Variants in ZFPM2 observed in about 807,000 individuals in gnomAD.
The protein encoded by ZFPM2 is zinc finger protein ZFPM2.
Under a neutral mutation model 98.6 loss-of-function variants are expected in ZFPM2, and 20 were observed. The observed-to-expected ratio is 0.20, with a 90% CI of 0.14 to 0.29. The LOEUF is 0.29. ZFPM2 is among the 10% of genes least tolerant of loss of function. The pLI is 1.00. For missense variants in ZFPM2, 1,310 were observed against 1,388.6 expected (o/e 0.94, Z 0.90); for synonymous variants, 518 against 502.7 (o/e 1.03, Z -0.41).
chr8:105,371,001 G>A (rs868276927), intron 1 of ZFPM2, among the ~76,000 whole-genome samples: 4 of 152,100 alleles, frequency 2.6e-5, no homozygotes, highest in Non-Finnish European at 4.4e-5. Flanking sequence ...TAAAATATTG[G>A]GTGCTACTGA....
intron 4 of ZFPM2, among the ~76,000 whole-genome samples, chr8:105,633,300 G>A (rs984304480): frequency 6.6e-6 from 1 of 152,136 alleles, no homozygotes; most frequent in Non-Finnish European, 1.5e-5. Flanking sequence ...TGAGACCCTT[G>A]TATTGTGCTC....
At chr8:105,362,438 C>T (rs1321013782) in intron 1 of ZFPM2, among the ~76,000 whole-genome samples, 3 of 151,390 alleles carry the variant, frequency 2.0e-5, no homozygotes, top group African/African-American at 7.4e-5. Flanking sequence ...TTATAATGCC[C>T]TAGAGGGTTA....
chr8:105,597,234 G>A (rs1815991555), intron 4 of ZFPM2, among the ~76,000 whole-genome samples: 1 of 152,016 alleles, frequency 6.6e-6, no homozygotes, highest in Non-Finnish European at 1.5e-5. Context: ...ATTGGCAGGA[G>A]TCGACATGGT....
intron 3 of ZFPM2, among the ~76,000 whole-genome samples, chr8:105,541,329 A>G (rs1276482615): frequency 1.3e-5 from 2 of 152,134 alleles, no homozygotes; most frequent in African/African-American, 4.8e-5. Flanking sequence ...TAACTATCCT[A>G]CTATCACACA....
chr8:105,741,966 A>T (rs979250350), intron 5 of ZFPM2, among the ~76,000 whole-genome samples: 7 of 152,024 alleles, frequency 4.6e-5, no homozygotes, highest in African/African-American at 1.4e-4. Context: ...ATAAACAGGG[A>T]AGTAGGGATA....
At chr8:105,625,860 C>T (rs749581090) in intron 4 of ZFPM2, among the ~76,000 whole-genome samples, 4 of 151,680 alleles carry the variant, frequency 2.6e-5, no homozygotes, top group Non-Finnish European at 5.9e-5. Context: ...TGGGATTACA[C>T]GCCCAGCCTG....
intron 1 of ZFPM2, among the ~76,000 whole-genome samples, chr8:105,358,877 C>T (rs534379919): frequency 1.3e-5 from 2 of 152,126 alleles, no homozygotes; most frequent in Non-Finnish European, 2.9e-5. Context: ...ATCACTTGAA[C>T]CCGGGAGGCA....
At chr8:105,410,161 A>G (rs1341219484) in intron 1 of ZFPM2, among the ~76,000 whole-genome samples, 1 of 151,904 alleles carries the variant, frequency 6.6e-6, no homozygotes, top group Non-Finnish European at 1.5e-5. Flanking sequence ...AAAAGTTTAC[A>G]TATGCAATGA....
intron 5 of ZFPM2, among the ~76,000 whole-genome samples, chr8:105,724,460 A>G (rs115879911): frequency 2.2e-4 from 33 of 151,934 alleles, no homozygotes; most frequent in African/African-American, 8.0e-4. Context: ...GGTTTATGGT[A>G]TTGCACTAAA....
chr8:105,561,101 C>G (rs1193563275), intron 3 of ZFPM2, among the ~76,000 whole-genome samples: 1 of 152,060 alleles, frequency 6.6e-6, no homozygotes, highest in Non-Finnish European at 1.5e-5. Context: ...TTCTTAAAGA[C>G]TTAACTAAAA....
At chr8:105,801,010 A>ATGTT (rs768433660) in intron 7 of ZFPM2, 37 bp from the exon 8 acceptor site, 1 of 1,566,860 alleles carries the variant, frequency 6.4e-7, no homozygotes, top group Non-Finnish European at 8.7e-7. Context: ...ACCAACACAC[A>ATGTT]TGTTTCTCAT....
At position 105,371,471 on chromosome 8, in the gene ZFPM2, A is replaced by C. The variant is rs1810620723; in HGVS notation, c.41-47673A>C. ...GAAGGGATTTTAGGAAGAGTTTGTA[A>C]ACTTAGTGGAAGGAAACCAGATCAA... On this transcript the variant is annotated intron_variant, in intron 1 of 7. Coordinates refer to ENST00000407775, the MANE Select transcript of ZFPM2 (RefSeq NM_012082.4). Among the ~76,000 whole-genome samples the C allele has an allele frequency of 2.0e-5, 3 of 152,132 alleles. No individual in the cohort carries two copies. In the South Asian group the frequency reaches 6.2e-4, roughly 32 times the overall value.
chr8:105,593,687 A>C (rs552731063), intron 4 of ZFPM2, among the ~76,000 whole-genome samples: 1 of 151,848 alleles, frequency 6.6e-6, no homozygotes, highest in East Asian at 1.9e-4. Flanking sequence ...CTTTGTGCAT[A>C]AGTCAAGGGC....
intron 6 of ZFPM2, among the ~76,000 whole-genome samples, chr8:105,793,476 C>T (rs1350405758): frequency 6.6e-6 from 1 of 152,114 alleles, no homozygotes; most frequent in Non-Finnish European, 1.5e-5. Flanking sequence ...GATGGGCTTC[C>T]CTTTGTGGGT....
intron 1 of ZFPM2, among the ~76,000 whole-genome samples, chr8:105,386,073 T>G (rs191254253): frequency 6.6e-6 from 1 of 152,228 alleles, no homozygotes; most frequent in East Asian, 1.9e-4. Context: ...AAGTAAACAT[T>G]TACTGTTTTT....
chr8:105,797,456 C>T (rs925187778), intron 6 of ZFPM2, among the ~76,000 whole-genome samples: 12 of 152,140 alleles, frequency 7.9e-5, no homozygotes, highest in African/African-American at 2.7e-4. Context: ...TCTGATTATG[C>T]GATAATATCT....
intron 5 of ZFPM2, among the ~76,000 whole-genome samples, chr8:105,758,387 G>A (rs1812655067): frequency 6.6e-6 from 1 of 151,990 alleles, no homozygotes; most frequent in African/African-American, 2.4e-5. Flanking sequence ...ACAATAGTAG[G>A]TATTTTTATA....
chr8:105,537,800 G>A (rs1162072433), intron 3 of ZFPM2, among the ~76,000 whole-genome samples: 2 of 150,966 alleles, frequency 1.3e-5, no homozygotes, highest in South Asian at 2.1e-4. Context: ...GCACAATTTC[G>A]GCTCACTGCA....
At chr8:105,610,437 G>A (rs1816285176) in intron 4 of ZFPM2, among the ~76,000 whole-genome samples, 1 of 152,046 alleles carries the variant, frequency 6.6e-6, no homozygotes, top group African/African-American at 2.4e-5. Flanking sequence ...AATAGAAGAA[G>A]GTCAACATCT....
Sources: allele counts gnomAD v4.1 joint callset (sites outside exome capture counted in the v4.1 genomes callset), GRCh38; gene constraint gnomAD v4.1.1; transcripts MANE v1.5; gene names NCBI Gene and HGNC (gene_info 2026-07-23, HGNC 2026-07-21).